The following ADARB2 variants were observed in gnomAD, a reference collection of about 807,000 sequenced individuals.
The protein encoded by ADARB2 is adenosine deaminase RNA specific B2 (inactive), also known as inactive double-stranded RNA-specific editase B2.
In ADARB2, 25 loss-of-function variants were observed where a neutral mutation model predicts 62.2. That is an observed-to-expected ratio of 0.40 (90% CI 0.29 to 0.56). The LOEUF (loss-of-function observed/expected upper bound fraction) is 0.56. Among genes scored for constraint, ADARB2 ranks in the 20% least tolerant of loss-of-function variants. The pLI is 0.43. For synonymous variants in ADARB2, 572 were observed against 500.8 expected (o/e 1.14, Z -1.90); for missense variants, 1,071 against 1,077.4 (o/e 0.99, Z 0.08).
intron 1 of ADARB2, among the ~76,000 whole-genome samples, chr10:1,428,293 T>C (rs948988167): frequency 1.1e-5 from 1 of 87,678 alleles, no homozygotes; most frequent in Non-Finnish European, 2.0e-5. Context: ...TTTATGCCTA[T>C]TTTTTTTTTT....
chr10:1,585,850 C>A (rs574481396), intron 1 of ADARB2, among the ~76,000 whole-genome samples: 1 of 152,054 alleles, frequency 6.6e-6, no homozygotes. Flanking sequence ...CTGGCTAACA[C>A]GGTGAAACCC....
At chr10:1,692,316 C>T (rs960457324) in intron 1 of ADARB2, among the ~76,000 whole-genome samples, 6 of 152,128 alleles carry the variant, frequency 3.9e-5, no homozygotes, top group African/African-American at 1.2e-4. Context: ...TGTTTAAATG[C>T]CCCCAGAAGC....
At chr10:1,467,871 G>C (rs923708666) in intron 1 of ADARB2, among the ~76,000 whole-genome samples, 3 of 152,298 alleles carry the variant, frequency 2.0e-5, no homozygotes, top group African/African-American at 7.2e-5. Context: ...CCCTCTTCCT[G>C]AAACGAAAGC....
intron 1 of ADARB2, among the ~76,000 whole-genome samples, chr10:1,424,187 G>C (rs1156673952): frequency 1.3e-5 from 2 of 152,238 alleles, no homozygotes; most frequent in Non-Finnish European, 2.9e-5. Context: ...TATGCAGTAG[G>C]TCCATTATGT....
intron 1 of ADARB2, among the ~76,000 whole-genome samples, chr10:1,714,513 T>C (rs1359746396): frequency 1.3e-5 from 2 of 152,208 alleles, no homozygotes; most frequent in African/African-American, 2.4e-5. Flanking sequence ...CTGTGCACAC[T>C]TTCAGAATGT....
At chr10:1,396,734 C>A (rs1349733857) in intron 1 of ADARB2, among the ~76,000 whole-genome samples, 3 of 104,600 alleles carry the variant, frequency 2.9e-5, no homozygotes, top group East Asian at 2.9e-4. Context: ...GGTCACCGTC[C>A]TCCTCTCCCC....
chr10:1,703,974 A>G (rs1834855608), intron 1 of ADARB2, among the ~76,000 whole-genome samples: 1 of 152,186 alleles, frequency 6.6e-6, no homozygotes. Flanking sequence ...GCCGTGATTG[A>G]TTTTAGTTTG....
chr10:1,435,606 C>G (rs533953180), intron 1 of ADARB2, among the ~76,000 whole-genome samples: 1 of 148,870 alleles, frequency 6.7e-6, no homozygotes, highest in East Asian at 1.9e-4. Flanking sequence ...GGCCGCCCTG[C>G]CAGGCCCCTC....
At chr10:1,379,182 A>G in intron 1 of ADARB2, 22 bp from the exon 2 acceptor site, 1 of 1,578,640 alleles carries the variant, frequency 6.3e-7, no homozygotes, top group South Asian at 1.1e-5. Context: ...AGAACAGGAA[A>G]TGCACTTTTG....
At chr10:1,335,148 T>C (rs1418685102) in intron 3 of ADARB2, among the ~76,000 whole-genome samples, 1 of 152,036 alleles carries the variant, frequency 6.6e-6, no homozygotes, top group Admixed American at 6.6e-5. Context: ...TCTCTGTGTG[T>C]TCCAGCTACC....
At chr10:1,265,212 G>T (rs562877441) in intron 4 of ADARB2, among the ~76,000 whole-genome samples, 1 of 152,320 alleles carries the variant, frequency 6.6e-6, no homozygotes, top group East Asian at 1.9e-4. Flanking sequence ...AAGAATTCCT[G>T]CCTTCCCCAC....
At chr10:1,357,616 A>G in intron 3 of ADARB2, among the ~76,000 whole-genome samples, 1 of 152,190 alleles carries the variant, frequency 6.6e-6, no homozygotes, top group East Asian at 1.9e-4. Context: ...CCCCAAGCAA[A>G]TGTCTTCCCT....
chr10:1,231,658 C>T (rs965951215), intron 6 of ADARB2, among the ~76,000 whole-genome samples: 11 of 152,148 alleles, frequency 7.2e-5, no homozygotes, highest in African/African-American at 2.7e-4. Context: ...TTCTTCATTC[C>T]CAGTTTGACG....
At chr10:1,527,338 G>A (rs1053725768) in intron 1 of ADARB2, among the ~76,000 whole-genome samples, 2 of 152,214 alleles carry the variant, frequency 1.3e-5, no homozygotes, top group African/African-American at 4.8e-5. Flanking sequence ...TAGATCGGTG[G>A]TTATGAGGGA....
intron 4 of ADARB2, among the ~76,000 whole-genome samples, chr10:1,268,512 T>G (rs1043825156): frequency 1.3e-5 from 2 of 152,218 alleles, no homozygotes; most frequent in African/African-American, 4.8e-5. Context: ...GTGTTTTATT[T>G]CAAAATAAGT....
At chr10:1,350,746 A>G (rs1832128610) in intron 3 of ADARB2, among the ~76,000 whole-genome samples, 1 of 152,174 alleles carries the variant, frequency 6.6e-6, no homozygotes, top group African/African-American at 2.4e-5. Flanking sequence ...TTCTCAATAT[A>G]CATTTTATTA....
At chr10:1,607,131 G>A (rs1368602375) in intron 1 of ADARB2, among the ~76,000 whole-genome samples, 2 of 152,126 alleles carry the variant, frequency 1.3e-5, no homozygotes, top group East Asian at 3.9e-4. Context: ...TTTCAGTTAG[G>A]CCTTTTAACT....
intron 1 of ADARB2, among the ~76,000 whole-genome samples, chr10:1,530,393 C>A (rs905168991): frequency 6.6e-6 from 1 of 152,240 alleles, no homozygotes; most frequent in Non-Finnish European, 1.5e-5. Flanking sequence ...AGTTTCCAAA[C>A]CCAGCACCCG....
At chr10:1,464,688 G>A (rs7082771) in intron 1 of ADARB2, among the ~76,000 whole-genome samples, 3 of 52,922 alleles carry the variant, frequency 5.7e-5, no homozygotes, top group East Asian at 4.7e-4. Flanking sequence ...CGCGCTGGGG[G>A]CAGTCACAGC....
Sources: gnomAD v4.1 joint callset for allele counts (sites outside exome capture counted in the v4.1 genomes callset) on GRCh38, gnomAD v4.1.1 for gene constraint, MANE v1.5 for transcripts, NCBI Gene and HGNC (gene_info 2026-07-23, HGNC 2026-07-21) for gene names.